The following BMPR1B variants were observed in gnomAD, a reference collection of about 807,000 sequenced individuals.
BMPR1B encodes the protein bone morphogenetic protein receptor type-1B.
BMPR1B carries 12 observed loss-of-function variants against 59.1 expected under a neutral mutation model. The ratio of observed to expected loss-of-function variants is 0.20; its 90% CI spans 0.13 to 0.33. The LOEUF (loss-of-function observed/expected upper bound fraction) is 0.33. Ranked by LOEUF, BMPR1B falls within the 10% of genes least tolerant of loss-of-function variation. The pLI is 1.00. For missense variants in BMPR1B, 550 were observed against 610.9 expected (o/e 0.90, Z 1.05); for synonymous variants, 237 against 207.3 (o/e 1.14, Z -1.23).
At chr4:95,014,859 C>T (rs544045712) in intron 3 of BMPR1B, among the ~76,000 whole-genome samples, 80 of 152,236 alleles carry the variant, frequency 5.3e-4, no homozygotes, top group African/African-American at 1.3e-3. Context: ...CTGCTAAGAA[C>T]GAAATGGTTC....
intron 1 of BMPR1B, among the ~76,000 whole-genome samples, chr4:94,862,615 T>C (rs62316175): frequency 0.79 from 118,227 of 149,984 alleles, 47,027 homozygotes; most frequent in African/African-American, 0.89. Flanking sequence ...ACCAGCCTGG[T>C]CAACATGATA....
intron 3 of BMPR1B, among the ~76,000 whole-genome samples, chr4:95,040,931 T>C (rs1457296792): frequency 6.6e-6 from 1 of 152,208 alleles, no homozygotes; most frequent in African/African-American, 2.4e-5. Context: ...CCTGCAGTGC[T>C]GCCTCGCTGT....
chr4:94,837,340 T>C (rs1455424594), intron 1 of BMPR1B, among the ~76,000 whole-genome samples: 4 of 147,490 alleles, frequency 2.7e-5, no homozygotes, highest in Non-Finnish European at 6.0e-5. Flanking sequence ...AATCTGTAAA[T>C]TACCTTGGGC....
At chr4:95,053,564 G>A (rs769720380) in intron 3 of BMPR1B, among the ~76,000 whole-genome samples, 4 of 151,914 alleles carry the variant, frequency 2.6e-5, no homozygotes, top group African/African-American at 4.8e-5. Context: ...ATAGTGTCTG[G>A]CACATAATAT....
chr4:94,970,036 A>G (rs1164357416), intron 2 of BMPR1B, among the ~76,000 whole-genome samples: 1 of 152,198 alleles, frequency 6.6e-6, no homozygotes, highest in Non-Finnish European at 1.5e-5. Flanking sequence ...TTATAATTAA[A>G]GATTAACTTC....
At chr4:94,878,734 CTT>C (rs542970645) in intron 2 of BMPR1B, among the ~76,000 whole-genome samples, 30 of 127,228 alleles carry the variant, frequency 2.4e-4, no homozygotes, top group Admixed American at 3.2e-4. Flanking sequence ...ACAGGTTCTG[CTT>C]TTTTTTTTTT....
chr4:95,026,360 C>G (rs1327136425), intron 3 of BMPR1B, among the ~76,000 whole-genome samples: 1 of 151,860 alleles, frequency 6.6e-6, no homozygotes, highest in Non-Finnish European at 1.5e-5. Context: ...AATTGTAAAG[C>G]TGAACCTCCT....
chr4:94,941,690 A>AT (rs1229589276), intron 2 of BMPR1B, among the ~76,000 whole-genome samples: 2 of 151,964 alleles, frequency 1.3e-5, no homozygotes, highest in East Asian at 3.9e-4. Context: ...GTAATGATTC[A>AT]TTTTTTTTCT....
intron 2 of BMPR1B, among the ~76,000 whole-genome samples, chr4:94,894,871 G>A (rs973706713): frequency 2.6e-5 from 4 of 151,476 alleles, no homozygotes; most frequent in Admixed American, 6.6e-5. Flanking sequence ...TTAAATGGCT[G>A]TATAAATAAC....
rs568913180 is a variant in BMPR1B, at chr4:95,096,014, GA to G, written c.-17-8391del. ...TTGTACTCTTGATATGTAATAGTAT[GA>G]AATTTTTTTTACATTTTACTTTTGT... On this transcript the variant is annotated intron_variant, in intron 3 of 12. Coordinates refer to ENST00000515059, the MANE Select transcript of BMPR1B (RefSeq NM_001203.3). Among the ~76,000 whole-genome samples, 307 of 148,122 alleles carry G rather than the reference GA, an allele frequency of 2.1e-3. 1 individual carries two copies. The highest frequency in any genetic ancestry group is 3.6e-3 in the Non-Finnish European group (240 of 67,044).
At chr4:95,089,101 T>G (rs967558750) in intron 3 of BMPR1B, among the ~76,000 whole-genome samples, 1 of 152,180 alleles carries the variant, frequency 6.6e-6, no homozygotes, top group African/African-American at 2.4e-5. Flanking sequence ...CTTTGGTCAT[T>G]TAAATACAAT....
In BMPR1B at chr4:94,844,223, TTGTGTGTGTG is replaced by T. The variant is rs150471976; in HGVS notation, c.-182-31583_-182-31574del. On this transcript the variant is annotated intron_variant, in intron 1 of 12. Transcript: ENST00000515059. ...GTAGCCATTCTATTCTGAATCATCT[TTGTGTGTGTG>T]TGTGTGTGTGTGTGTGTGTGTGTGA... 4.7e-3 allele frequency among the ~76,000 whole-genome samples: 695 copies of T among 146,644 alleles called. 5 individuals carry two copies. Among genetic ancestry groups the T allele is most frequent in the African/African-American group, 0.016 (635 of 40,022 alleles).
At chr4:94,841,700 T>G (rs1041188017) in intron 1 of BMPR1B, among the ~76,000 whole-genome samples, 24 of 152,268 alleles carry the variant, frequency 1.6e-4, no homozygotes, top group African/African-American at 5.8e-4. Flanking sequence ...CAGATGGAAA[T>G]GCAGAAATCA....
At chr4:95,135,036 G>A (rs1416407825) in intron 10 of BMPR1B, among the ~76,000 whole-genome samples, 1 of 152,148 alleles carries the variant, frequency 6.6e-6, no homozygotes, top group Non-Finnish European at 1.5e-5. Context: ...ATTAATTTTT[G>A]TATAAGGTGT....
intron 3 of BMPR1B, among the ~76,000 whole-genome samples, chr4:94,997,838 TTCAG>T (rs1722163946): frequency 6.6e-6 from 1 of 152,196 alleles, no homozygotes; most frequent in African/African-American, 2.4e-5. Flanking sequence ...CAGATTTTTA[TTCAG>T]TATCTTTTAT....
chr4:94,979,224 T>C (rs1203905262), intron 2 of BMPR1B, among the ~76,000 whole-genome samples: 2 of 152,126 alleles, frequency 1.3e-5, no homozygotes. Context: ...TCACCATCTT[T>C]GCAAAAATAA....
chr4:95,020,719 C>T (rs988366183), intron 3 of BMPR1B, among the ~76,000 whole-genome samples: 3 of 152,090 alleles, frequency 2.0e-5, no homozygotes, highest in African/African-American at 7.2e-5. Flanking sequence ...TTTTGAGACA[C>T]GTTATTGTCT....
intron 10 of BMPR1B, among the ~76,000 whole-genome samples, chr4:95,139,028 C>G (rs1009785646): frequency 3.3e-5 from 5 of 152,152 alleles, no homozygotes; most frequent in South Asian, 4.1e-4. Flanking sequence ...GCTCTGGTTT[C>G]TCCCCATCTT....
At chr4:95,029,931 T>C (rs1724702420) in intron 3 of BMPR1B, among the ~76,000 whole-genome samples, 1 of 152,170 alleles carries the variant, frequency 6.6e-6, no homozygotes. Flanking sequence ...GAAGTGTCTG[T>C]TCATATCCTT....
Sources: allele counts gnomAD v4.1 joint callset (sites outside exome capture counted in the v4.1 genomes callset), GRCh38; gene constraint gnomAD v4.1.1; transcripts MANE v1.5; gene names NCBI Gene and HGNC (gene_info 2026-07-23, HGNC 2026-07-21).